CAMKK2: variants seen among roughly 807,000 people sequenced by gnomAD.
CAMKK2 encodes calcium/calmodulin dependent protein kinase kinase 2.
Under a neutral mutation model 67.2 loss-of-function variants are expected in CAMKK2, and 30 were observed. The ratio of observed to expected loss-of-function variants is 0.45; its 90% CI spans 0.33 to 0.61. The LOEUF is 0.61. Among genes scored for constraint, CAMKK2 ranks in the 20% least tolerant of loss-of-function variants. The pLI is 0.02. For missense variants in CAMKK2, 643 were observed against 802.0 expected, an observed-to-expected ratio of 0.80 and a Z score of 2.39; for synonymous variants, 322 against 326.2, an observed-to-expected ratio of 0.99 and a Z score of 0.14.
chr12:121,243,011 G>A (rs1177903501), intron 16 of CAMKK2, among the ~76,000 whole-genome samples: 2 of 151,766 alleles, frequency 1.3e-5, no homozygotes, highest in Non-Finnish European at 2.9e-5. Flanking sequence ...CAAAGCGCTG[G>A]GATTACAGGC....
intron 11 of CAMKK2, among the ~76,000 whole-genome samples, chr12:121,252,037 C>A (rs1566049612): frequency 6.6e-6 from 1 of 152,120 alleles, no homozygotes; most frequent in Non-Finnish European, 1.5e-5. Context: ...GAGGAACGAG[C>A]ACAGTTATTG....
chr12:121,282,388 T>C (rs1341399384), intron 1 of CAMKK2, among the ~76,000 whole-genome samples: 3 of 152,196 alleles, frequency 2.0e-5, no homozygotes, highest in African/African-American at 7.2e-5. Context: ...AAAAATGTTA[T>C]GTGGCAGTTC....
chr12:121,283,856 T>G (rs1396980765), intron 1 of CAMKK2, among the ~76,000 whole-genome samples: 1 of 152,168 alleles, frequency 6.6e-6, no homozygotes, highest in Non-Finnish European at 1.5e-5. Flanking sequence ...TTGAATGAGA[T>G]GCCAACATTT....
chr12:121,267,022 CTTTTTTTTTTTTTTTTT>C (rs58762246), intron 5 of CAMKK2, among the ~76,000 whole-genome samples: 1 of 30,766 alleles, frequency 3.3e-5, no homozygotes, highest in East Asian at 1.3e-3. Context: ...GTGCTCTGGC[CTTTTTTTTTTTTTTTTT>C]TTTTTTTTTT....
At chr12:121,274,729 G>C in intron 1 of CAMKK2, 144 bp from the exon 2 acceptor site, 1 of 562,676 alleles carries the variant, frequency 1.8e-6, no homozygotes, top group South Asian at 2.5e-5. Context: ...GGTGTGATCT[G>C]ATCTCTGAGT....
chr12:121,248,730 T>A lies in CAMKK2; in HGVS notation c.1328A>T (p.His443Leu), dbSNP rs199837469. Residue 443 changes from histidine to leucine, a missense_variant, in exon 14 of 17, where the codon CAC becomes CTC. Physicochemically the swap from His to Leu is moderately conservative, Grantham distance 99. Transcript: ENST00000404169. The stretch of plus-strand genomic sequence containing the variant: ...CGCCCCATGCCTCGTGACCCAGGGG[T>A]GCAGCTTCAACGAACGACAGGAGGG... ...SRIVVPEIKL[H>L]PWVTRHGAEP... The A allele has an allele frequency of 1.7e-5, 28 of 1,613,754 alleles. No individual in the cohort carries two copies. Among genetic ancestry groups the A allele is most frequent in the Non-Finnish European group, 2.2e-5 (26 of 1,179,976 alleles).
rs1889340902 is a variant in CAMKK2 at position 121,245,880 on chromosome 12, A to G, written c.1453-640T>C. 6.6e-6 allele frequency among the ~76,000 whole-genome samples: 1 copy of G among 152,262 alleles called. No homozygotes were observed. Among genetic ancestry groups the G allele is most frequent in the Non-Finnish European group, 1.5e-5 (1 of 68,050 alleles). On this transcript the variant is annotated intron_variant, in intron 14 of 16. Transcript: ENST00000404169. The surrounding 1 kb of genome is among the most constrained non-coding windows in gnomAD (Gnocchi z 5.8). ...CCCAAATGCCCATCAACTGAAGAAG[A>G]TAAACTCAAAGCGGTCTGTCTGTGC...
intron 1 of CAMKK2, among the ~76,000 whole-genome samples, chr12:121,283,658 T>C (rs535749075): frequency 6.6e-6 from 1 of 152,010 alleles, no homozygotes; most frequent in African/African-American, 2.4e-5. Context: ...ACAAAAAAAA[T>C]TTTTTAAATT....
At chr12:121,282,985 C>T (rs1349504869) in intron 1 of CAMKK2, among the ~76,000 whole-genome samples, 1 of 152,142 alleles carries the variant, frequency 6.6e-6, no homozygotes, top group Non-Finnish European at 1.5e-5. Flanking sequence ...AAACTACTGA[C>T]CTCAGATGAT....
At chr12:121,249,414 T>A (rs1440803949) in intron 13 of CAMKK2, among the ~76,000 whole-genome samples, 1 of 152,118 alleles carries the variant, frequency 6.6e-6, no homozygotes. Flanking sequence ...AATTGCTCAT[T>A]AATTTCCTCC....
At chr12:121,283,556 C>T (rs761473953) in intron 1 of CAMKK2, among the ~76,000 whole-genome samples, 2 of 152,070 alleles carry the variant, frequency 1.3e-5, no homozygotes, top group African/African-American at 4.8e-5. Flanking sequence ...GGCTCATGGC[C>T]GTAATCCCAG....
In CAMKK2 at chr12:121,240,380, C is replaced by T; in HGVS notation, c.*319G>A. 6.9e-7 allele frequency: 1 copy of T among 1,453,920 alleles called. No homozygotes were observed. 90.1% of individuals were successfully genotyped at this position (1,453,920 alleles called of 1,614,324 possible). A position where few individuals can be genotyped will look rare whatever the true frequency, so the allele number is the denominator to read the frequency against. ...GTCACTTGGTATATCTGACGTGGTT[C>T]TGAAAATCACAATGAAGGATTTTTG... On this transcript the variant is annotated 3_prime_UTR_variant, in exon 17 of 17. Coordinates refer to ENST00000404169, the MANE Select transcript of CAMKK2 (RefSeq NM_001270485.2). The surrounding 1 kb of genome is among the most constrained non-coding windows in gnomAD (Gnocchi z 4.4).
chr12:121,263,981 C>A (rs1426959455), intron 5 of CAMKK2, 42 bp from the exon 6 acceptor site: 2 of 1,508,500 alleles, frequency 1.3e-6, no homozygotes, highest in Middle Eastern at 1.8e-4. Context: ...GGCAAAGAGA[C>A]TTTCCTCCGC....
chr12:121,268,979 C>T (rs890458496), intron 4 of CAMKK2, among the ~76,000 whole-genome samples: 3 of 152,084 alleles, frequency 2.0e-5, no homozygotes, highest in Admixed American at 6.6e-5. Flanking sequence ...TTGCTGCCAT[C>T]GAATCAAAAC....
chr12:121,255,226 ATATATAATTTTATATATATATAAT>A (rs1891681100), intron 9 of CAMKK2, among the ~76,000 whole-genome samples: 1 of 71,690 alleles, frequency 1.4e-5, no homozygotes, highest in African/African-American at 5.5e-5. Context: ...AATTTTATAT[ATATATAATTTTATATATATATAAT>A]TATATATATA....
In CAMKK2 at chr12:121,248,678, G is replaced by C. The variant is rs1475836092; in HGVS notation, c.1380C>G (p.Asn460Lys). 6.2e-7 allele frequency: 1 copy of C among 1,614,230 alleles called. No individual in the cohort carries two copies. The highest frequency in any genetic ancestry group is 8.5e-7 in the Non-Finnish European group (1 of 1,180,038). Residue 460 changes from asparagine to lysine, a missense_variant, in exon 14 of 17, where the codon AAC becomes AAG. Asn to Lys is a moderately conservative substitution (Grantham distance 94). This residue lies in a region of CAMKK2 where 483 missense variants were observed against 625.8 expected (regional missense o/e 0.77). Coordinates refer to ENST00000404169, the MANE Select transcript of CAMKK2 (RefSeq NM_001270485.2). ...CTTCAGTCACTTCGACCAGCGTGCA[G>C]TTCTCATCCTCCGACGGCAACGGCT... ...GAEPLPSEDE[N>K]CTLVEVTEEE...
chr12:121,255,673 G>T, intron 8 of CAMKK2, 35 bp from the exon 9 acceptor site: 1 of 1,609,072 alleles, frequency 6.2e-7, no homozygotes, highest in South Asian at 1.1e-5. Context: ...ACACAAAGCA[G>T]ACCCGCCAGC....
rs374380775 is a variant in CAMKK2 at position 121,245,292 on chromosome 12, G to A, written c.1453-52C>T. The A allele has an allele frequency of 2.7e-6, 3 of 1,118,528 alleles. No individual in the cohort carries two copies. The highest frequency in any genetic ancestry group is 4.0e-6 in the Non-Finnish European group (3 of 750,868). 69.3% of individuals were successfully genotyped at this position (1,118,528 alleles called of 1,614,324 possible). ...CAGGCAACTGCTTGGCCATGTGGGG[G>A]CGATTCTGGGCAACATCCTCCCTCT... On this transcript the variant is annotated intron_variant, in intron 14 of 16. Transcript: ENST00000404169. The surrounding 1 kb of genome is among the most constrained non-coding windows in gnomAD (Gnocchi z 5.8).
At chr12:121,269,242 C>A (rs369234032) in intron 4 of CAMKK2, among the ~76,000 whole-genome samples, 2 of 152,218 alleles carry the variant, frequency 1.3e-5, no homozygotes, top group African/African-American at 4.8e-5. Flanking sequence ...ACCTGTCTCA[C>A]TGCTGCCTTG....
Sources: allele counts gnomAD v4.1 joint callset (sites outside exome capture counted in the v4.1 genomes callset), GRCh38; gene constraint gnomAD v4.1.1; regional missense constraint gnomAD v4.1.1; non-coding constraint Gnocchi (gnomAD v3.1); transcripts MANE v1.5; gene names NCBI Gene and HGNC (gene_info 2026-07-23, HGNC 2026-07-21).